Variants in CCDC141 observed in about 807,000 individuals in gnomAD.
CCDC141 encodes the protein coiled-coil domain-containing protein 141.
In CCDC141, 168 loss-of-function variants were observed where a neutral mutation model predicts 181.0. The ratio of observed to expected loss-of-function variants is 0.93; its 90% CI spans 0.82 to 1.05. The LOEUF (loss-of-function observed/expected upper bound fraction) is 1.05. CCDC141 is among the 50% of genes least tolerant of loss of function. CCDC141 has a pLI of 0.00. For synonymous variants in CCDC141, 666 were observed against 642.3 expected, an observed-to-expected ratio of 1.04 and a Z score of -0.56; for missense variants, 1,902 against 1,788.5, an observed-to-expected ratio of 1.06 and a Z score of -1.14.
At position 178,979,561 on chromosome 2, in the gene CCDC141, G is replaced by A. The variant is rs559931741; in HGVS notation, c.226-886C>T. Among the ~76,000 whole-genome samples the A allele has an allele frequency of 9.3e-4, 142 of 152,196 alleles. 1 individual carries two copies. Among genetic ancestry groups the A allele is most frequent in the Non-Finnish European group, 1.8e-3 (120 of 67,990 alleles). ...ACACTATCAGAGTGAGGAAAAAAAG[G>A]CAACAAAATTCAACCAATTTGTGTT... is the stretch of plus-strand genomic sequence containing the variant. On this transcript the variant is annotated intron_variant, in intron 2 of 23. Coordinates refer to ENST00000443758, the MANE Select transcript of CCDC141 (RefSeq NM_173648.4).
chr2:178,867,645 C>G (rs1335625241), intron 16 of CCDC141, among the ~76,000 whole-genome samples: 1 of 152,076 alleles, frequency 6.6e-6, no homozygotes, highest in South Asian at 2.1e-4. Flanking sequence ...CATAACTATA[C>G]TGAAGATCAA....
At chr2:178,850,416 A>G (rs1685114087) in intron 20 of CCDC141, among the ~76,000 whole-genome samples, 1 of 152,232 alleles carries the variant, frequency 6.6e-6, no homozygotes, top group Admixed American at 6.5e-5. Context: ...ATAGTCTTAA[A>G]GCTCAATTCT....
Position 178,855,401 on chromosome 2 carries a change from T to C in CCDC141, c.3006A>G (p.Thr1002=). 6.2e-7 allele frequency: 1 copy of C among 1,612,192 alleles called. No homozygotes were observed. Among genetic ancestry groups the C allele is most frequent in the South Asian group, 1.1e-5 (1 of 90,528 alleles). Residue 1002 remains threonine (T), a synonymous_variant, in exon 19 of 24, where the codon ACA becomes ACG. Coordinates refer to ENST00000443758, the MANE Select transcript of CCDC141 (RefSeq NM_173648.4). ...TCAGGTCCAAATTCTTCTTGTAATC[T>C]GTCACAACTTTGTCAAAGTCATCCA... ...KHVDDFDKVV[T]DYKKNLDLTE...
chr2:178,916,081 G>A (rs75245778), intron 7 of CCDC141, among the ~76,000 whole-genome samples: 1,723 of 152,172 alleles, frequency 0.011, 38 homozygotes, highest in African/African-American at 0.039. Context: ...TAGCTTGAAT[G>A]TAGGGTAAAA....
At chr2:178,972,106 A>T (rs548932591) in intron 4 of CCDC141, among the ~76,000 whole-genome samples, 66 of 152,190 alleles carry the variant, frequency 4.3e-4, no homozygotes, top group Non-Finnish European at 7.5e-4. Context: ...AAATAAATTT[A>T]AAAAAAGATA....
intron 11 of CCDC141, among the ~76,000 whole-genome samples, chr2:178,878,757 C>A (rs13426103): frequency 0.05 from 7,586 of 152,080 alleles, 448 homozygotes; most frequent in South Asian, 0.17. Flanking sequence ...ATTATTGAAG[C>A]CAAAATCATA....
intron 22 of CCDC141, among the ~76,000 whole-genome samples, chr2:178,838,496 C>A (rs1272604993): frequency 1.3e-5 from 2 of 152,184 alleles, no homozygotes; most frequent in African/African-American, 4.8e-5. Context: ...ATAGAGAAAG[C>A]AATTCTTCAT....
intron 17 of CCDC141, 72 bp from the exon 18 acceptor site, chr2:178,856,469 G>A: frequency 8.7e-7 from 1 of 1,148,074 alleles, no homozygotes. Context: ...ATAAATCAAA[G>A]CATCTGAACA....
chr2:178,885,421 G>C (rs1490064381), intron 10 of CCDC141, among the ~76,000 whole-genome samples: 3 of 152,086 alleles, frequency 2.0e-5, no homozygotes, highest in Non-Finnish European at 4.4e-5. Context: ...ACATGAGATA[G>C]CTATTTGAAA....
intron 2 of CCDC141, among the ~76,000 whole-genome samples, chr2:179,036,185 C>G (rs1202562044): frequency 6.6e-6 from 1 of 152,302 alleles, no homozygotes; most frequent in East Asian, 1.9e-4. Context: ...AATTTTCTTA[C>G]TCTTCAGTCT....
intron 7 of CCDC141, among the ~76,000 whole-genome samples, chr2:178,907,363 T>C (rs1688016917): frequency 6.6e-6 from 1 of 152,244 alleles, no homozygotes; most frequent in Non-Finnish European, 1.5e-5. Context: ...TTCCTGACTC[T>C]GAGACCACTG....
chr2:179,015,852 ATATATATC>A (rs2042516629), intron 2 of CCDC141, among the ~76,000 whole-genome samples: 1 of 128,426 alleles, frequency 7.8e-6, no homozygotes, highest in Admixed American at 8.7e-5. Flanking sequence ...CATATATCTC[ATATATATC>A]TCATATATAT....
intron 2 of CCDC141, among the ~76,000 whole-genome samples, chr2:178,994,469 C>T (rs1386743458): frequency 6.6e-6 from 1 of 152,204 alleles, no homozygotes; most frequent in Admixed American, 6.5e-5. Context: ...CTAGGCTGCA[C>T]ACAGCACATT....
intron 2 of CCDC141, among the ~76,000 whole-genome samples, chr2:179,012,082 A>C (rs2042285420): frequency 2.0e-5 from 3 of 152,120 alleles, no homozygotes; most frequent in Admixed American, 6.6e-5. Context: ...CAAGAACCAA[A>C]CCCAAACCCA....
chr2:178,891,871 T>C (rs1481566216), intron 8 of CCDC141, among the ~76,000 whole-genome samples: 1 of 152,064 alleles, frequency 6.6e-6, no homozygotes, highest in Non-Finnish European at 1.5e-5. Context: ...TCTATTGTGT[T>C]GTAAATTCTT....
downstream of CCDC141, chr2:178,825,580 TTCTCCAAGTAATTTACC>T (rs1340118973): frequency 6.6e-6 from 1 of 152,004 alleles, no homozygotes; most frequent in Non-Finnish European, 1.5e-5. Context: ...GAGCATCATC[TTCTCCAAGTAATTTACC>T]TCTCCCAAAT....
the CCDC141 span, among the ~76,000 whole-genome samples, chr2:178,815,912 G>C: frequency 6.6e-6 from 1 of 152,140 alleles, no homozygotes; most frequent in Non-Finnish European, 1.5e-5. Context: ...ACATTCATTA[G>C]AGGTTAGTTG....
At chr2:178,974,465 C>A (rs544207093) in intron 4 of CCDC141, among the ~76,000 whole-genome samples, 2 of 152,304 alleles carry the variant, frequency 1.3e-5, no homozygotes, top group East Asian at 3.9e-4. Context: ...ACACCAAATT[C>A]TTGTAGAAAG....
intron 5 of CCDC141, among the ~76,000 whole-genome samples, chr2:178,956,883 CTTT>C (rs71393449): frequency 6.9e-6 from 1 of 145,632 alleles, no homozygotes. Flanking sequence ...AATGAGAAAG[CTTT>C]TTTTTTTTTT....
Sources: allele counts gnomAD v4.1 joint callset (sites outside exome capture counted in the v4.1 genomes callset), GRCh38; gene constraint gnomAD v4.1.1; transcripts MANE v1.5; gene names NCBI Gene and HGNC (gene_info 2026-07-23, HGNC 2026-07-21).